LCORL: variants seen among roughly 807,000 people sequenced by gnomAD.
The protein encoded by LCORL is ligand-dependent nuclear receptor corepressor-like protein.
Under a neutral mutation model 141.8 loss-of-function variants are expected in LCORL, and 41 were observed. The ratio of observed to expected loss-of-function variants is 0.29; its 90% confidence interval spans 0.23 to 0.38. The LOEUF is 0.38. LCORL is among the 10% of genes least tolerant of loss of function. The pLI, the probability that LCORL is intolerant of heterozygous loss-of-function variation, is 1.00. For missense variants in LCORL, 1,759 were observed against 2,035.0 expected (o/e 0.86, Z 2.61); for synonymous variants, 618 against 694.1 (o/e 0.89, Z 1.72).
rs1239975071 is a variant in LCORL, at chr4:17,937,696, A to G, written c.430+24207T>C. ...CAGCAGCATGCACCCTTGCCCCCATAACTAAGAGGTACAGTTAAGCCATAT... is the reference window on the plus strand; with the variant it reads ...CAGCAGCATGCACCCTTGCCCCCATGACTAAGAGGTACAGTTAAGCCATAT... On this transcript the variant is annotated intron_variant, in intron 4 of 7. Coordinates refer to ENST00000635767, the Ensembl canonical transcript of LCORL. Among the ~76,000 whole-genome samples, 3 of 152,142 alleles carry G rather than the reference A, an allele frequency of 2.0e-5. No individual in the cohort carries two copies. The East Asian group carries it at 5.8e-4, about 29-fold the overall frequency.
At chr4:17,976,569 T>C (rs527417611) in intron 1 of LCORL, among the ~76,000 whole-genome samples, 18 of 152,314 alleles carry the variant, frequency 1.2e-4, no homozygotes, top group African/African-American at 3.6e-4. Context: ...TCATTATATA[T>C]AACTTACTTA....
chr4:18,003,234 A>G (rs984169252), intron 1 of LCORL, among the ~76,000 whole-genome samples: 4 of 152,204 alleles, frequency 2.6e-5, no homozygotes, highest in African/African-American at 9.7e-5. Flanking sequence ...ACTAAACTAG[A>G]GAGAATAAAA....
At chr4:17,876,565 C>T (rs1343408807) in exon 7 of LCORL, 3 of 1,230,546 alleles carry the variant, frequency 2.4e-6, no homozygotes, top group Non-Finnish European at 3.0e-6. Context: ...TTCACTGGAT[C>T]GTTTTTTGTT....
At chr4:17,971,065 A>C (rs1715836196) in intron 2 of LCORL, among the ~76,000 whole-genome samples, 1 of 152,096 alleles carries the variant, frequency 6.6e-6, no homozygotes, top group South Asian at 2.1e-4. Context: ...TACTGGTAAG[A>C]GTTTCAGTAA....
chr4:17,841,628 A>G (rs1007190632), exon 8 of LCORL: 1 of 151,896 alleles, frequency 6.6e-6, no homozygotes, highest in African/African-American at 2.4e-5. Flanking sequence ...ACACCATGAG[A>G]ACACCATCCT....
intron 1 of LCORL, among the ~76,000 whole-genome samples, chr4:18,010,072 T>C (rs1482300368): frequency 6.6e-6 from 1 of 152,224 alleles, no homozygotes; most frequent in Non-Finnish European, 1.5e-5. Flanking sequence ...TAAGCACCTA[T>C]AATCAGAGCT....
chr4:18,011,789 T>C (rs1723850100), intron 1 of LCORL, among the ~76,000 whole-genome samples: 4 of 152,232 alleles, frequency 2.6e-5, no homozygotes, highest in Admixed American at 2.6e-4. Flanking sequence ...AGAGACCAGA[T>C]GGCCCACAAA....
At chr4:17,984,495 AT>A (rs1281089357) in intron 1 of LCORL, among the ~76,000 whole-genome samples, 1 of 151,850 alleles carries the variant, frequency 6.6e-6, no homozygotes, top group East Asian at 1.9e-4. Flanking sequence ...GTTCAGTTGT[AT>A]GGGGGGGTAT....
At chr4:18,010,026 T>C (rs985523841) in intron 1 of LCORL, among the ~76,000 whole-genome samples, 1 of 152,156 alleles carries the variant, frequency 6.6e-6, no homozygotes, top group Non-Finnish European at 1.5e-5. Flanking sequence ...CAATTAATTA[T>C]ATTTTAAAAA....
intron 1 of LCORL, among the ~76,000 whole-genome samples, chr4:17,998,964 CAAAAAAAAAA>C (rs775544332): frequency 6.7e-5 from 3 of 44,824 alleles, no homozygotes; most frequent in South Asian, 7.7e-4. Context: ...GACCCTGTCT[CAAAAAAAAAA>C]AAAAAAAAAA....
chr4:17,890,091 T>C (rs188749682), intron 5 of LCORL, among the ~76,000 whole-genome samples: 1 of 152,212 alleles, frequency 6.6e-6, no homozygotes, highest in Non-Finnish European at 1.5e-5. Context: ...ACTGTTGGTA[T>C]TCAGGTTGTT....
intron 1 of LCORL, among the ~76,000 whole-genome samples, chr4:17,986,906 GTTT>G (rs1375182143): frequency 1.3e-5 from 2 of 151,846 alleles, no homozygotes; most frequent in Admixed American, 1.3e-4. Context: ...TTTTCATTTT[GTTT>G]TTGAGTGGTT....
chr4:18,001,002 T>A (rs1721859996), intron 1 of LCORL, among the ~76,000 whole-genome samples: 1 of 152,170 alleles, frequency 6.6e-6, no homozygotes, highest in African/African-American at 2.4e-5. Context: ...GGCATAGTGT[T>A]TGAGAATCCA....
chr4:17,944,497 T>G (rs1738511296), intron 4 of LCORL, among the ~76,000 whole-genome samples: 1 of 152,234 alleles, frequency 6.6e-6, no homozygotes, highest in South Asian at 2.1e-4. Flanking sequence ...TTGTTTACTT[T>G]GTTGCTCAAA....
chr4:17,903,390 T>G (rs1731164310), intron 5 of LCORL, among the ~76,000 whole-genome samples: 1 of 152,078 alleles, frequency 6.6e-6, no homozygotes, highest in African/African-American at 2.4e-5. Context: ...GGATTGCCTA[T>G]GCTTCATAGT....
chr4:17,959,485 A>G (rs1422429395), intron 4 of LCORL, among the ~76,000 whole-genome samples: 8 of 151,974 alleles, frequency 5.3e-5, no homozygotes, highest in African/African-American at 1.9e-4. Flanking sequence ...CCCTCTTAAT[A>G]TTGTTTTGGC....
exon 8 of LCORL, chr4:17,842,545 AT>A: frequency 1.7e-6 from 1 of 582,680 alleles, no homozygotes; most frequent in Non-Finnish European, 3.1e-6. Context: ...CATCAAGAGC[AT>A]TTGACTTCTT....
At position 17,870,573 on chromosome 4, in the gene LCORL, A is replaced by T. The variant is rs1577292220; in HGVS notation, c.5602+2815T>A. Among the ~76,000 whole-genome samples the T allele has an allele frequency of 3.9e-5, 6 of 152,250 alleles. 1 individual carries two copies. The highest frequency in any genetic ancestry group is 3.9e-4 in the Admixed American group (6 of 15,282). ...TATCCATTTTTCTATCCTTCATGAC[A>T]TGGAGGAACATATAAGAGCAACAAC... On this transcript the variant is annotated intron_variant, in intron 7 of 7. Coordinates refer to ENST00000635767, the Ensembl canonical transcript of LCORL.
intron 1 of LCORL, among the ~76,000 whole-genome samples, chr4:18,016,895 A>G (rs1724725788): frequency 1.3e-5 from 2 of 152,254 alleles, no homozygotes; most frequent in South Asian, 2.1e-4. Flanking sequence ...TACAGTGATT[A>G]TCAGCTTCTG....
Sources: allele counts gnomAD v4.1 joint callset (sites outside exome capture counted in the v4.1 genomes callset), GRCh38; gene constraint gnomAD v4.1.1; transcripts MANE v1.5; gene names NCBI Gene and HGNC (gene_info 2026-07-23, HGNC 2026-07-21).